The following CTNND2 variants were observed in gnomAD, a reference collection of about 807,000 sequenced individuals.
The protein encoded by CTNND2 is catenin delta 2.
A neutral mutation model predicts 144.4 loss-of-function variants in CTNND2; 22 were observed. The observed-to-expected ratio is 0.15, with a 90% CI of 0.11 to 0.22. The LOEUF (loss-of-function observed/expected upper bound fraction) is 0.22, where lower values mean the gene tolerates loss of function less well. Ranked by LOEUF, CTNND2 falls within the 10% of genes least tolerant of loss-of-function variation. CTNND2 has a pLI of 1.00. For synonymous variants in CTNND2, 751 were observed against 695.6 expected (o/e 1.08, Z -1.25); for missense variants, 1,353 against 1,618.8 (o/e 0.84, Z 2.82).
chr5:11,491,580 C>T (rs1448445044), intron 3 of CTNND2, among the ~76,000 whole-genome samples: 3 of 152,138 alleles, frequency 2.0e-5, no homozygotes, highest in African/African-American at 7.2e-5. Flanking sequence ...CACACCCTGC[C>T]TCCTGGGAAG....
At chr5:11,358,705 T>C (rs1756151077) in intron 8 of CTNND2, among the ~76,000 whole-genome samples, 4 of 152,352 alleles carry the variant, frequency 2.6e-5, no homozygotes. Context: ...CTCTATCGCT[T>C]CATTAAACAC....
chr5:11,532,813 G>T (rs952608220), intron 3 of CTNND2, among the ~76,000 whole-genome samples: 3 of 152,216 alleles, frequency 2.0e-5, no homozygotes, highest in South Asian at 2.1e-4. Context: ...CAAGGATCTG[G>T]ATCAGATGTT....
At chr5:11,589,281 A>AT (rs1199472820) in intron 2 of CTNND2, among the ~76,000 whole-genome samples, 1 of 130,042 alleles carries the variant, frequency 7.7e-6, no homozygotes, top group Admixed American at 7.8e-5. Flanking sequence ...GTTAACATTA[A>AT]AACACACACA....
intron 3 of CTNND2, among the ~76,000 whole-genome samples, chr5:11,414,660 T>A (rs1482062099): frequency 3.3e-5 from 5 of 152,162 alleles, no homozygotes; most frequent in African/African-American, 9.7e-5. Flanking sequence ...GGTAAACTCA[T>A]GTCATGGGGG....
chr5:11,172,202 A>T (rs1276124375), intron 11 of CTNND2, among the ~76,000 whole-genome samples: 1 of 152,112 alleles, frequency 6.6e-6, no homozygotes, highest in Admixed American at 6.5e-5. Context: ...AATTTTTTTT[A>T]AAAAGTAGCC....
At chr5:10,995,777 G>A (rs991049935) in intron 18 of CTNND2, among the ~76,000 whole-genome samples, 6 of 152,194 alleles carry the variant, frequency 3.9e-5, no homozygotes, top group Non-Finnish European at 7.3e-5. Flanking sequence ...AAGATTAAGT[G>A]AGCAATGGGG....
At chr5:11,000,718 C>T (rs374144026) in intron 18 of CTNND2, among the ~76,000 whole-genome samples, 2 of 152,234 alleles carry the variant, frequency 1.3e-5, no homozygotes, top group African/African-American at 4.8e-5. Context: ...GGAGTTGGCC[C>T]TTCTCTCACA....
At chr5:11,657,891 A>G (rs2126557735) in intron 2 of CTNND2, among the ~76,000 whole-genome samples, 1 of 152,234 alleles carries the variant, frequency 6.6e-6, no homozygotes, top group African/African-American at 2.4e-5. Flanking sequence ...GAAAAAACGT[A>G]AACAATGCTT....
intron 1 of CTNND2, among the ~76,000 whole-genome samples, chr5:11,815,669 C>T (rs900647413): frequency 6.6e-6 from 1 of 152,026 alleles, no homozygotes; most frequent in African/African-American, 2.4e-5. Context: ...CAAGTACCAG[C>T]GCTTGTGCCA....
chr5:11,178,987 A>C (rs189100031), intron 11 of CTNND2, among the ~76,000 whole-genome samples: 50 of 152,332 alleles, frequency 3.3e-4, no homozygotes, highest in Non-Finnish European at 5.7e-4. Context: ...TTTTACAACT[A>C]TTTCTTAATT....
chr5:11,666,665 C>T (rs369510146), intron 2 of CTNND2, among the ~76,000 whole-genome samples: 28 of 152,208 alleles, frequency 1.8e-4, no homozygotes, highest in South Asian at 8.3e-4. Flanking sequence ...GTTTCTGTAA[C>T]GTATGAGGGA....
At chr5:11,836,852 T>C (rs1342568780) in intron 1 of CTNND2, among the ~76,000 whole-genome samples, 1 of 152,224 alleles carries the variant, frequency 6.6e-6, no homozygotes, top group Non-Finnish European at 1.5e-5. Flanking sequence ...CCTCTGCTCC[T>C]GTTATTTCAG....
chr5:11,141,944 T>C (rs563933892), intron 12 of CTNND2, among the ~76,000 whole-genome samples: 1 of 152,270 alleles, frequency 6.6e-6, no homozygotes, highest in East Asian at 1.9e-4. Flanking sequence ...GGGAGTGGGT[T>C]CCTTATTGCA....
intron 16 of CTNND2, among the ~76,000 whole-genome samples, chr5:11,074,162 G>T (rs111454049): frequency 1.1e-3 from 162 of 152,344 alleles, no homozygotes; most frequent in African/African-American, 2.8e-3. Flanking sequence ...AGTGCCACGT[G>T]ATCAGTGACC....
chr5:11,381,977 A>C (rs1041979617), intron 7 of CTNND2, among the ~76,000 whole-genome samples: 68 of 151,124 alleles, frequency 4.5e-4, no homozygotes, highest in African/African-American at 9.2e-4. Context: ...AAAAAAACAA[A>C]AAAACAAAAC....
intron 7 of CTNND2, among the ~76,000 whole-genome samples, chr5:11,380,125 C>T (rs533655162): frequency 4.7e-4 from 71 of 152,260 alleles, no homozygotes; most frequent in African/African-American, 1.6e-3. Flanking sequence ...TAGGATGCTC[C>T]CATAGTAACT....
At chr5:11,826,596 T>C (rs1267351933) in intron 1 of CTNND2, among the ~76,000 whole-genome samples, 2 of 152,046 alleles carry the variant, frequency 1.3e-5, no homozygotes, top group Non-Finnish European at 2.9e-5. Context: ...CAATCTAATA[T>C]GGTCAACATA....
chr5:11,829,455 C>T (rs1202664819), intron 1 of CTNND2, among the ~76,000 whole-genome samples: 3 of 152,160 alleles, frequency 2.0e-5, no homozygotes, highest in East Asian at 3.9e-4. Context: ...GCCCTGCATC[C>T]CAGCCATTCC....
chr5:11,806,404 C>A (rs2126898230), intron 1 of CTNND2, among the ~76,000 whole-genome samples: 1 of 152,302 alleles, frequency 6.6e-6, no homozygotes, highest in East Asian at 1.9e-4. Context: ...CTAACGCTCA[C>A]TGCCCACATG....
Sources: allele counts gnomAD v4.1 joint callset (sites outside exome capture counted in the v4.1 genomes callset), GRCh38; gene constraint gnomAD v4.1.1; transcripts MANE v1.5; gene names NCBI Gene and HGNC (gene_info 2026-07-23, HGNC 2026-07-21).